Variants in AGMO observed in about 807,000 individuals in gnomAD.
The protein encoded by AGMO is alkylglycerol monooxygenase.
Under a neutral mutation model 60.2 loss-of-function variants are expected in AGMO, and 75 were observed. The observed-to-expected ratio is 1.25, with a 90% CI of 1.03 to 1.51. AGMO has a LOEUF of 1.51. Ranked by LOEUF, AGMO falls within the 40% of genes most tolerant of loss-of-function variation. The pLI is 0.00. For missense variants in AGMO, 763 were observed against 525.5 expected, an observed-to-expected ratio of 1.45 and a Z score of -4.42; for synonymous variants, 261 against 177.1, an observed-to-expected ratio of 1.47 and a Z score of -3.76.
chr7:15,433,522 T>C lies in AGMO; in HGVS notation c.410-2414A>G, dbSNP rs150047910. ...TTATTTTCAAAAGTGATTATGAAAA[T>C]GCATTTTATGGAAAGTTATTCCAGT... On this transcript the variant is annotated intron_variant, in intron 3 of 12. Transcript: ENST00000342526. 3.8e-3 allele frequency among the ~76,000 whole-genome samples: 582 copies of C among 152,222 alleles called. 4 individuals carry two copies. The Middle Eastern group carries it at 0.044, about 12-fold the overall frequency.
chr7:15,394,865 T>A (rs1365632230), intron 5 of AGMO, among the ~76,000 whole-genome samples: 1 of 152,152 alleles, frequency 6.6e-6, no homozygotes, highest in African/African-American at 2.4e-5. Flanking sequence ...CAATTCGAAG[T>A]CAAATATATA....
At chr7:15,393,092 C>T (rs1053273996) in intron 6 of AGMO, among the ~76,000 whole-genome samples, 13 of 152,304 alleles carry the variant, frequency 8.5e-5, no homozygotes, top group East Asian at 3.9e-4. Context: ...AATTAAAAGT[C>T]GAACCAATCA....
rs1563086431 is a variant in AGMO at position 15,322,589 on chromosome 7, TATAAATATATATAAATATATATAA to T, written c.1263+42901_1263+42924del. On this transcript the variant is annotated intron_variant, in intron 12 of 12. Transcript: ENST00000342526. ...AAATATATATAAATATATATAAATA[TATAAATATATATAAATATATATAA>T]ATATATAAATATATATAAATATATA... is the stretch of plus-strand genomic sequence containing the variant. Among the ~76,000 whole-genome samples, 29 of 37,334 alleles carry T rather than the reference TATAAATATATATAAATATATATAA, an allele frequency of 7.8e-4. 6 individuals carry two copies. Among genetic ancestry groups the T allele is most frequent in the African/African-American group, 3.9e-3 (29 of 7,486 alleles). The allele number at this position is 37,334 out of a possible 152,430, so 24.5% of individuals were successfully genotyped here.
At chr7:15,326,475 G>GC (rs1347792079) in intron 12 of AGMO, among the ~76,000 whole-genome samples, 1 of 152,106 alleles carries the variant, frequency 6.6e-6, no homozygotes. Context: ...TAACTTTTGT[G>GC]CCTGCCTCTT....
intron 12 of AGMO, among the ~76,000 whole-genome samples, chr7:15,347,615 A>AG (rs1034668985): frequency 2.6e-3 from 124 of 47,704 alleles, no homozygotes; most frequent in African/African-American, 0.015. Flanking sequence ...CTGATTTCCC[A>AG]AAAAAAATGT....
intron 12 of AGMO, among the ~76,000 whole-genome samples, chr7:15,216,881 C>T (rs188652564): frequency 2.7e-5 from 4 of 150,162 alleles, no homozygotes; most frequent in Admixed American, 2.0e-4. Flanking sequence ...TGCACACATG[C>T]CCAATCCCTT....
intron 12 of AGMO, 23 bp from the exon 13 acceptor site, chr7:15,201,382 GAAAA>G: frequency 6.5e-7 from 1 of 1,547,952 alleles, no homozygotes. Flanking sequence ...AACACAAAGA[GAAAA>G]AAAAATTAGA....
chr7:15,347,601 C>G (rs1782079491), intron 12 of AGMO, among the ~76,000 whole-genome samples: 1 of 129,852 alleles, frequency 7.7e-6, no homozygotes, highest in Admixed American at 7.7e-5. Context: ...TCAGTCCGAA[C>G]TCACTGATTT....
the AGMO span, among the ~76,000 whole-genome samples, chr7:15,161,471 T>C: frequency 6.6e-6 from 1 of 151,460 alleles, no homozygotes; most frequent in Non-Finnish European, 1.5e-5. Flanking sequence ...CATATACACA[T>C]ATAAGTATAT....
At chr7:15,482,403 T>G (rs1426624935) in intron 3 of AGMO, among the ~76,000 whole-genome samples, 1 of 152,136 alleles carries the variant, frequency 6.6e-6, no homozygotes, top group Non-Finnish European at 1.5e-5. Context: ...TTGAAAACTT[T>G]AGTAAATTGG....
intron 10 of AGMO, among the ~76,000 whole-genome samples, chr7:15,366,764 A>C (rs988640308): frequency 6.6e-6 from 1 of 152,102 alleles, no homozygotes; most frequent in Non-Finnish European, 1.5e-5. Flanking sequence ...TTTAACGCTT[A>C]AACATTAAGC....
At chr7:15,366,378 G>A (rs1303328791) in intron 10 of AGMO, among the ~76,000 whole-genome samples, 156 bp from the exon 11 acceptor site, 1 of 152,046 alleles carries the variant, frequency 6.6e-6, no homozygotes, top group African/African-American at 2.4e-5. Flanking sequence ...AAAACATTTT[G>A]GTTTTCTTAA....
chr7:15,343,089 T>C (rs1307815737), intron 12 of AGMO, among the ~76,000 whole-genome samples: 1 of 152,150 alleles, frequency 6.6e-6, no homozygotes, highest in Admixed American at 6.6e-5. Flanking sequence ...TTTTATATTT[T>C]CCTATAGCAA....
chr7:15,547,604 CG>C (rs1236357796), intron 2 of AGMO, among the ~76,000 whole-genome samples: 4 of 152,144 alleles, frequency 2.6e-5, no homozygotes. Context: ...TTGCGCTTTT[CG>C]GACCGGCTTA....
rs891624639 is a variant in AGMO, at chr7:15,345,367, G to A, written c.1263+20147C>T. Among the ~76,000 whole-genome samples, 4 of 152,124 alleles carry A rather than the reference G, an allele frequency of 2.6e-5. No individual in the cohort carries two copies. The South Asian group carries it at 8.3e-4, about 31-fold the overall frequency. The stretch of plus-strand genomic sequence containing the variant: ...CTGGCCTAAGACCAAGCTTGGTCTG[G>A]ATGCCCTCCCTCATACCCTTCAGTT... On this transcript the variant is annotated intron_variant, in intron 12 of 12. Coordinates refer to ENST00000342526, the MANE Select transcript of AGMO (RefSeq NM_001004320.2).
At chr7:15,248,826 T>C (rs1312059184) in intron 12 of AGMO, among the ~76,000 whole-genome samples, 1 of 152,216 alleles carries the variant, frequency 6.6e-6, no homozygotes, top group African/African-American at 2.4e-5. Context: ...TTAAAGAGCT[T>C]AAAGTGAGGA....
chr7:15,260,808 C>T (rs953213553), intron 12 of AGMO, among the ~76,000 whole-genome samples: 2 of 151,982 alleles, frequency 1.3e-5, no homozygotes, highest in Admixed American at 1.3e-4. Context: ...AAAATTATAT[C>T]AAGTACTCTC....
chr7:15,531,905 G>A (rs556065881), intron 3 of AGMO, among the ~76,000 whole-genome samples: 1 of 151,972 alleles, frequency 6.6e-6, no homozygotes, highest in African/African-American at 2.4e-5. Context: ...TTGACCTCAA[G>A]TGATCTGCCT....
intron 3 of AGMO, among the ~76,000 whole-genome samples, chr7:15,530,434 ATATATATT>A (rs1784275463): frequency 7.7e-6 from 1 of 130,600 alleles, no homozygotes; most frequent in East Asian, 2.2e-4. Context: ...ACGTATTTCT[ATATATATT>A]CTATATACGT....
Sources: allele counts gnomAD v4.1 joint callset (sites outside exome capture counted in the v4.1 genomes callset), GRCh38; gene constraint gnomAD v4.1.1; transcripts MANE v1.5; gene names NCBI Gene and HGNC (gene_info 2026-07-23, HGNC 2026-07-21).